Variants in PRKG1 observed in about 807,000 individuals in gnomAD.
PRKG1 encodes the protein cGMP-dependent protein kinase 1.
PRKG1 carries 35 observed loss-of-function variants against 88.1 expected under a neutral mutation model. The observed-to-expected ratio is 0.40, with a 90% CI of 0.30 to 0.53. PRKG1 has a LOEUF of 0.53. Among genes scored for constraint, PRKG1 ranks in the 20% least tolerant of loss-of-function variants. The pLI, the probability that PRKG1 is intolerant of heterozygous loss-of-function variation, is 0.59. For missense variants in PRKG1, 540 were observed against 839.8 expected (o/e 0.64, Z 4.41); for synonymous variants, 303 against 292.5 (o/e 1.04, Z -0.37).
intron 3 of PRKG1, among the ~76,000 whole-genome samples, chr10:51,508,439 T>C (rs973037994): frequency 6.6e-6 from 1 of 152,150 alleles, no homozygotes; most frequent in African/African-American, 2.4e-5. Flanking sequence ...TGACAAACTA[T>C]CAAGGAATAT....
chr10:51,343,635 A>G lies in PRKG1; in HGVS notation c.479-124088A>G, dbSNP rs74131620. Among the ~76,000 whole-genome samples the G allele has an allele frequency of 8.0e-3, 1,214 of 152,286 alleles. 16 individuals are homozygous for G. Among genetic ancestry groups the G allele is most frequent in the African/African-American group, 0.028 (1,161 of 41,566 alleles). ...ATAATATGTTTTAATAAAATGAATA[A>G]TTTTATAAATTATTTTTCACTTAAT... On this transcript the variant is annotated intron_variant, in intron 2 of 17. Coordinates refer to ENST00000373980, the MANE Select transcript of PRKG1 (RefSeq NM_006258.4).
intron 2 of PRKG1, among the ~76,000 whole-genome samples, chr10:51,164,112 C>G (rs1021250412): frequency 8.5e-5 from 13 of 152,164 alleles, no homozygotes; most frequent in African/African-American, 2.7e-4. Context: ...GTCCCTGACC[C>G]CTGACCCCCG....
At chr10:51,429,004 A>G (rs1838680474) in intron 2 of PRKG1, among the ~76,000 whole-genome samples, 1 of 152,214 alleles carries the variant, frequency 6.6e-6, no homozygotes, top group Non-Finnish European at 1.5e-5. Context: ...AGAAGAGACT[A>G]CAGAGCTATC....
At position 51,121,704 on chromosome 10, in the gene PRKG1, A is replaced by C. The variant is rs190184438; in HGVS notation, c.312-31460A>C. Among the ~76,000 whole-genome samples the C allele has an allele frequency of 3.3e-5, 5 of 152,280 alleles. No individual in the cohort carries two copies. In the East Asian group the frequency reaches 9.7e-4, roughly 29 times the overall value. ...TAAGAACACAGATAATGTGGCACCAAGATTGGTGTCAAAACTCCTTGAGAA... is the reference window on the plus strand; with the variant it reads ...TAAGAACACAGATAATGTGGCACCACGATTGGTGTCAAAACTCCTTGAGAA... On this transcript the variant is annotated intron_variant, in intron 1 of 17. Transcript: ENST00000373980.
At chr10:51,773,279 G>A (rs574051842) in intron 3 of PRKG1, among the ~76,000 whole-genome samples, 66 of 151,914 alleles carry the variant, frequency 4.3e-4, no homozygotes, top group Admixed American at 3.4e-3. Context: ...CTGTTTCTTC[G>A]ATTTAATATC....
intron 5 of PRKG1, among the ~76,000 whole-genome samples, chr10:52,028,525 G>A (rs16925910): frequency 0.015 from 2,286 of 152,244 alleles, 56 homozygotes; most frequent in African/African-American, 0.053. Context: ...TCAAGCATAA[G>A]TTCTGGGAAG....
chr10:51,915,627 C>T (rs947036361), intron 5 of PRKG1, among the ~76,000 whole-genome samples: 1 of 151,976 alleles, frequency 6.6e-6, no homozygotes, highest in African/African-American at 2.4e-5. Flanking sequence ...AGACAAAACT[C>T]TCAGTTCGGT....
At chr10:51,774,421 A>G (rs1280230177) in intron 3 of PRKG1, among the ~76,000 whole-genome samples, 4 of 152,120 alleles carry the variant, frequency 2.6e-5, no homozygotes, top group Non-Finnish European at 4.4e-5. Context: ...GTGAGCAATT[A>G]AATTCTTAGC....
chr10:51,424,713 C>A (rs1838523469), intron 2 of PRKG1, among the ~76,000 whole-genome samples: 1 of 152,084 alleles, frequency 6.6e-6, no homozygotes, highest in African/African-American at 2.4e-5. Context: ...CTAAATTGAT[C>A]TATCTTAGTG....
intron 9 of PRKG1, among the ~76,000 whole-genome samples, chr10:52,168,109 A>G (rs1010667685): frequency 2.6e-5 from 4 of 152,234 alleles, no homozygotes; most frequent in African/African-American, 7.2e-5. Context: ...ATGTGCCTAC[A>G]AAATGCTGCA....
intron 3 of PRKG1, among the ~76,000 whole-genome samples, chr10:51,632,320 C>G (rs1839547626): frequency 6.6e-6 from 1 of 152,076 alleles, no homozygotes; most frequent in South Asian, 2.1e-4. Context: ...TTTGGGGATG[C>G]AACGGGAAAA....
chr10:51,773,913 A>C (rs75543117), intron 3 of PRKG1, among the ~76,000 whole-genome samples: 5,858 of 152,172 alleles, frequency 0.038, 177 homozygotes, highest in Middle Eastern at 0.065. Context: ...CCTCAAACTC[A>C]TATGTAAACC....
At chr10:51,416,885 G>T (rs1197023164) in intron 2 of PRKG1, among the ~76,000 whole-genome samples, 2 of 152,082 alleles carry the variant, frequency 1.3e-5, no homozygotes, top group East Asian at 1.9e-4. Flanking sequence ...GAAGAACACT[G>T]CATAAAAACA....
intron 2 of PRKG1, among the ~76,000 whole-genome samples, chr10:51,185,323 G>A (rs1171186958): frequency 6.6e-6 from 1 of 151,988 alleles, no homozygotes; most frequent in Admixed American, 6.6e-5. Flanking sequence ...TTTCAGTTTA[G>A]ACAAGATTTT....
At chr10:51,820,934 A>G (rs1158007397) in intron 4 of PRKG1, among the ~76,000 whole-genome samples, 3 of 152,162 alleles carry the variant, frequency 2.0e-5, no homozygotes, top group African/African-American at 4.8e-5. Context: ...ATATTTATAT[A>G]CTCATGTAAA....
At chr10:51,995,052 C>T (rs985505152) in intron 5 of PRKG1, among the ~76,000 whole-genome samples, 1 of 149,898 alleles carries the variant, frequency 6.7e-6, no homozygotes, top group African/African-American at 2.4e-5. Context: ...AATATTCATA[C>T]AAACTAGATC....
In PRKG1 at chr10:51,586,557, T is replaced by C. The variant is rs145719513; in HGVS notation, c.592+118721T>C. Among the ~76,000 whole-genome samples the C allele has an allele frequency of 3.8e-3, 575 of 152,252 alleles. 11 individuals are homozygous for C. Among genetic ancestry groups the C allele is most frequent in the Admixed American group, 0.034 (527 of 15,282 alleles). On this transcript the variant is annotated intron_variant, in intron 3 of 17. Transcript: ENST00000373980. ...GTTCTCCCTTCACATTTATTAAAAC[T>C]TTATTAAAATGTTAGCCTCCTTTAG...
At chr10:51,559,040 T>C (rs1319852979) in intron 3 of PRKG1, among the ~76,000 whole-genome samples, 1 of 152,110 alleles carries the variant, frequency 6.6e-6, no homozygotes, top group East Asian at 1.9e-4. Flanking sequence ...TATATGGTTA[T>C]AGTGGTTCTC....
chr10:51,817,346 A>AG (rs1332540212), intron 4 of PRKG1, among the ~76,000 whole-genome samples: 1 of 36,380 alleles, frequency 2.7e-5, no homozygotes, highest in African/African-American at 1.6e-4. Flanking sequence ...ATCCCTCCCC[A>AG]ACCCCCCCCC....
Sources: allele counts gnomAD v4.1 joint callset (sites outside exome capture counted in the v4.1 genomes callset), GRCh38; gene constraint gnomAD v4.1.1; transcripts MANE v1.5; gene names NCBI Gene and HGNC (gene_info 2026-07-23, HGNC 2026-07-21).